CAMK4: variants seen among roughly 807,000 people sequenced by gnomAD.
CAMK4 encodes the protein calcium/calmodulin-dependent protein kinase type IV.
In CAMK4, 22 loss-of-function variants were observed where a neutral mutation model predicts 44.9. That is an observed-to-expected ratio of 0.49 (90% CI 0.35 to 0.70). The LOEUF is 0.70. Ranked by LOEUF, CAMK4 falls within the 30% of genes least tolerant of loss-of-function variation. The pLI is 0.01. For missense variants in CAMK4, 498 were observed against 586.8 expected (o/e 0.85, Z 1.56); for synonymous variants, 218 against 215.4 (o/e 1.01, Z -0.11).
intron 2 of CAMK4, among the ~76,000 whole-genome samples, chr5:111,350,882 T>C (rs760797480): frequency 4.6e-5 from 7 of 152,098 alleles, no homozygotes; most frequent in Non-Finnish European, 8.8e-5. Context: ...TTCTTATGAG[T>C]TAGCATTTGA....
At chr5:111,483,982 GT>G (rs773754754) in intron 10 of CAMK4, 43 bp from the exon 11 acceptor site, 21 of 1,450,066 alleles carry the variant, frequency 1.4e-5, no homozygotes, top group Non-Finnish European at 1.7e-5. Flanking sequence ...GATGTGGGGT[GT>G]TAAAGCAGAG....
At chr5:111,451,989 G>A (rs986872886) in intron 7 of CAMK4, among the ~76,000 whole-genome samples, 24 of 152,200 alleles carry the variant, frequency 1.6e-4, no homozygotes, top group African/African-American at 4.6e-4. Context: ...GCATTCTCTT[G>A]TACTCTTCTA....
chr5:111,484,709 C>G lies in CAMK4; in HGVS notation c.*243C>G, dbSNP rs370589508. On this transcript the variant is annotated 3_prime_UTR_variant, in exon 11 of 11. Coordinates refer to ENST00000282356, the MANE Select transcript of CAMK4 (RefSeq NM_001744.6). This position sits in a 1 kb window ranked among gnomAD's most constrained non-coding sequence, Gnocchi z 5.3. ...ATGAGTTAAATCTTGCAAGTTAACA[C>G]AACGTAACACTTAAAAGCATACATT... 2.9e-6 allele frequency: 1 copy of G among 344,626 alleles called. No homozygotes were observed. Among genetic ancestry groups the G allele is most frequent in the South Asian group, 1.5e-4 (1 of 6,616 alleles). 21.3% of individuals were successfully genotyped at this position (344,626 alleles called of 1,614,324 possible). A position where few individuals can be genotyped will look rare whatever the true frequency, so the allele number is the denominator to read the frequency against.
intron 2 of CAMK4, among the ~76,000 whole-genome samples, chr5:111,369,052 A>T (rs964096014): frequency 6.0e-5 from 9 of 149,118 alleles, no homozygotes; most frequent in Non-Finnish European, 8.9e-5. Context: ...AATAATAATA[A>T]TATAATAATA....
At chr5:111,316,250 G>T (rs1364894887) in intron 1 of CAMK4, among the ~76,000 whole-genome samples, 1 of 152,062 alleles carries the variant, frequency 6.6e-6, no homozygotes, top group Non-Finnish European at 1.5e-5. Flanking sequence ...CAGTCCCCTA[G>T]GGAGGATAAA....
chr5:111,277,867 A>T (rs1384830850), intron 1 of CAMK4, among the ~76,000 whole-genome samples: 1 of 152,208 alleles, frequency 6.6e-6, no homozygotes, highest in African/African-American at 2.4e-5. Flanking sequence ...ATTTATTGGT[A>T]TATAAATATA....
chr5:111,354,449 A>AT (rs60055966), intron 2 of CAMK4, among the ~76,000 whole-genome samples: 54,203 of 151,342 alleles, frequency 0.36, 10,621 homozygotes, highest in South Asian at 0.51. Context: ...TCACCACAAA[A>AT]AAAAAAAAAC....
chr5:111,335,285 C>G (rs1213405489), intron 1 of CAMK4, among the ~76,000 whole-genome samples: 1 of 151,410 alleles, frequency 6.6e-6, no homozygotes, highest in East Asian at 2.0e-4. Flanking sequence ...GCTAAATTGT[C>G]TGAACATTGT....
At chr5:111,325,646 T>C (rs926994960) in intron 1 of CAMK4, among the ~76,000 whole-genome samples, 6 of 152,176 alleles carry the variant, frequency 3.9e-5, no homozygotes, top group Non-Finnish European at 8.8e-5. Context: ...TGAGCTTTTT[T>C]CCCTATGTTT....
intron 1 of CAMK4, among the ~76,000 whole-genome samples, chr5:111,328,764 C>T (rs975294595): frequency 1.3e-5 from 2 of 151,736 alleles, no homozygotes; most frequent in Non-Finnish European, 2.9e-5. Flanking sequence ...TTTTATTCTC[C>T]TTGAAGCAAT....
chr5:111,446,960 T>A (rs913873454), intron 6 of CAMK4, among the ~76,000 whole-genome samples, 184 bp downstream of exon 6: 1 of 152,192 alleles, frequency 6.6e-6, no homozygotes, highest in South Asian at 2.1e-4. Flanking sequence ...AATGTTTATT[T>A]GGAAAATATT....
At chr5:111,463,429 A>G (rs1754710268) in intron 7 of CAMK4, among the ~76,000 whole-genome samples, 1 of 152,168 alleles carries the variant, frequency 6.6e-6, no homozygotes, top group African/African-American at 2.4e-5. Context: ...AAGACAAAGG[A>G]CATAACCTCT....
At chr5:111,227,904 G>A (rs1281158881) in intron 1 of CAMK4, among the ~76,000 whole-genome samples, 5 of 152,086 alleles carry the variant, frequency 3.3e-5, no homozygotes, top group African/African-American at 1.2e-4. Context: ...TCCTATTCAG[G>A]GCTCCAGATC....
intron 1 of CAMK4, among the ~76,000 whole-genome samples, chr5:111,251,404 C>A (rs1401088356): frequency 6.6e-6 from 1 of 152,058 alleles, no homozygotes; most frequent in South Asian, 2.1e-4. Flanking sequence ...CCAGGTTGGT[C>A]TTAGAAATAT....
chr5:111,477,615 AT>A, intron 8 of CAMK4, among the ~76,000 whole-genome samples: 1 of 152,204 alleles, frequency 6.6e-6, no homozygotes, highest in Non-Finnish European at 1.5e-5. Flanking sequence ...GATGCCCAAG[AT>A]AGTTCTCCGT....
chr5:111,248,519 G>GAAA lies in CAMK4; in HGVS notation c.161+23884_161+23886dup, dbSNP rs111654091. ...TTTAAATCCAGAGAAAACAAGTCAT[G>GAAA]AAAAAAAAAAACAGGACAAGTGAAG... On this transcript the variant is annotated intron_variant, in intron 1 of 10. Coordinates refer to ENST00000282356, the MANE Select transcript of CAMK4 (RefSeq NM_001744.6). Among the ~76,000 whole-genome samples the GAAA allele has an allele frequency of 8.7e-4, 129 of 147,870 alleles. 1 individual carries two copies. In the South Asian group the frequency reaches 9.8e-3, roughly 11 times the overall value.
chr5:111,482,507 G>C lies in CAMK4; in HGVS notation c.829-278G>C. 1 of 259,292 alleles carries C rather than the reference G, an allele frequency of 3.9e-6. No homozygotes were observed. Among genetic ancestry groups the C allele is most frequent in the Non-Finnish European group, 7.2e-6 (1 of 138,550 alleles). 16.1% of individuals were successfully genotyped at this position (259,292 alleles called of 1,614,324 possible). Reference sequence around the variant, plus strand: ...GCCTTCAAAGAACTTCCAGTCCACAGGCAAGTGAGGAGCTGTTTCTTGACT... The same window carrying C: ...GCCTTCAAAGAACTTCCAGTCCACACGCAAGTGAGGAGCTGTTTCTTGACT... On this transcript the variant is annotated intron_variant, in intron 9 of 10. Coordinates refer to ENST00000282356, the MANE Select transcript of CAMK4 (RefSeq NM_001744.6). The surrounding 1 kb of genome is among the most constrained non-coding windows in gnomAD (Gnocchi z 4.9).
At chr5:111,357,672 G>T (rs1045182161) in intron 2 of CAMK4, among the ~76,000 whole-genome samples, 3 of 152,006 alleles carry the variant, frequency 2.0e-5, no homozygotes, top group African/African-American at 7.2e-5. Flanking sequence ...GATCCATATA[G>T]TTTTCAGTAC....
At chr5:111,262,299 C>A (rs1560075) in intron 1 of CAMK4, among the ~76,000 whole-genome samples, 40,073 of 151,428 alleles carry the variant, frequency 0.26, 6,289 homozygotes, top group African/African-American at 0.44. Flanking sequence ...TGGAAAATTG[C>A]GGGAGGATGT....
Sources: allele counts gnomAD v4.1 joint callset (sites outside exome capture counted in the v4.1 genomes callset), GRCh38; gene constraint gnomAD v4.1.1; non-coding constraint Gnocchi (gnomAD v3.1); transcripts MANE v1.5; gene names NCBI Gene and HGNC (gene_info 2026-07-23, HGNC 2026-07-21).